The following PDE12 variants were observed in gnomAD, a reference collection of about 807,000 sequenced individuals.
PDE12 encodes phosphodiesterase 12.
PDE12 carries 26 observed loss-of-function variants against 45.4 expected under a neutral mutation model. That is an observed-to-expected ratio of 0.57 (90% CI 0.42 to 0.79). The LOEUF (loss-of-function observed/expected upper bound fraction) is 0.79, where lower values mean the gene tolerates loss of function less well. PDE12 is among the 30% of genes least tolerant of loss of function. PDE12 has a pLI of 0.00. For missense variants in PDE12, 668 were observed against 790.0 expected (o/e 0.85, Z 1.85); for synonymous variants, 283 against 323.9 (o/e 0.87, Z 1.36).
the PDE12 span, chr3:57,654,546 AC>A: frequency 2.4e-6 from 2 of 827,654 alleles, no homozygotes; most frequent in African/African-American, 3.7e-5. Flanking sequence ...CTCTCATTGT[AC>A]TAGGAACAAA....
At chr3:57,647,109 GA>G in the PDE12 span, among the ~76,000 whole-genome samples, 4 of 152,040 alleles carry the variant, frequency 2.6e-5, no homozygotes, top group African/African-American at 9.7e-5. Context: ...GATTAGGGGG[GA>G]AAATCTTATC....
At chr3:57,579,377 T>A in the PDE12 span, among the ~76,000 whole-genome samples, 3,647 of 149,718 alleles carry the variant, frequency 0.024, 68 homozygotes, top group Middle Eastern at 0.035. Flanking sequence ...AAACCCCTCC[T>A]CCCAGTTTCA....
chr3:57,597,011 C>T, the PDE12 span: 1 of 1,569,716 alleles, frequency 6.4e-7, no homozygotes, highest in Non-Finnish European at 8.8e-7. Context: ...GGCCCAGAGG[C>T]CACCCCAATT....
chr3:57,626,825 CAG>C, the PDE12 span: 1 of 152,242 alleles, frequency 6.6e-6, no homozygotes, highest in African/African-American at 2.4e-5. Flanking sequence ...TTAAACAAAA[CAG>C]AAACAAAAAC....
the PDE12 span, among the ~76,000 whole-genome samples, chr3:57,573,817 A>T: frequency 6.6e-6 from 1 of 152,302 alleles, no homozygotes; most frequent in African/African-American, 2.4e-5. Flanking sequence ...CCTGGTCTCA[A>T]GTGATCCGCC....
At chr3:57,647,527 T>C in the PDE12 span, among the ~76,000 whole-genome samples, 1 of 152,230 alleles carries the variant, frequency 6.6e-6, no homozygotes, top group South Asian at 2.1e-4. Context: ...AATGTATACA[T>C]GTGTGGGGAT....
In PDE12 at chr3:57,557,366, CT is replaced by C. The variant is rs770557764; in HGVS notation, c.988del (p.Tyr330ThrfsTer36). 4.4e-5 allele frequency: 71 copies of C among 1,613,886 alleles called. No individual in the cohort carries two copies. The highest frequency in any genetic ancestry group is 5.8e-5 in the Non-Finnish European group (68 of 1,180,042). The part of the protein sequence containing the change: ...YCAPYALELD[Y>X]RQNLIQKELT... The stretch of plus-strand genomic sequence containing the variant: ...GTGCCCCCTACGCCCTGGAGCTCGA[CT>C]ACCGCCAGAACCTTATCCAGAAGGA... On this transcript the variant is annotated frameshift_variant, in exon 1 of 3. Transcript: ENST00000311180. LOFTEE classifies it high-confidence loss of function.
the PDE12 span, among the ~76,000 whole-genome samples, chr3:57,649,365 T>G: frequency 6.6e-6 from 1 of 152,072 alleles, no homozygotes; most frequent in Non-Finnish European, 1.5e-5. Context: ...TAAATGTTGG[T>G]GTGGATGTGG....
the PDE12 span, chr3:57,630,344 C>T: frequency 7.6e-7 from 1 of 1,308,352 alleles, no homozygotes; most frequent in South Asian, 1.5e-5. Context: ...ATAAAGGGTA[C>T]AATCTTCAAC....
chr3:57,587,319 CAAAAAAAA>C, the PDE12 span, among the ~76,000 whole-genome samples: 2 of 45,408 alleles, frequency 4.4e-5, no homozygotes, highest in Non-Finnish European at 9.4e-5. Context: ...AACTCAGTCT[CAAAAAAAA>C]AAAAAAAAAA....
the PDE12 span, among the ~76,000 whole-genome samples, chr3:57,631,388 GT>G: frequency 1.3e-5 from 2 of 152,068 alleles, no homozygotes; most frequent in Non-Finnish European, 2.9e-5. Context: ...TAGAGATGGG[GT>G]TTTACCATGT....
chr3:57,582,914 G>T, the PDE12 span, among the ~76,000 whole-genome samples: 1 of 152,196 alleles, frequency 6.6e-6, no homozygotes, highest in Non-Finnish European at 1.5e-5. Context: ...AGTTAGATTA[G>T]AACAGTGGTT....
downstream of PDE12, among the ~76,000 whole-genome samples, chr3:57,570,565 T>C (rs952350981): frequency 6.6e-6 from 1 of 152,104 alleles, no homozygotes; most frequent in East Asian, 1.9e-4. Context: ...TTTAAAAGTA[T>C]GCATTTGATT....
the PDE12 span, chr3:57,645,806 C>A: frequency 7.2e-7 from 1 of 1,382,698 alleles, no homozygotes; most frequent in South Asian, 1.2e-5. Context: ...AATTAAAGGT[C>A]CTAATCTATA....
chr3:57,642,758 CCTT>C, the PDE12 span, among the ~76,000 whole-genome samples: 5 of 151,680 alleles, frequency 3.3e-5, no homozygotes, highest in African/African-American at 7.3e-5. Flanking sequence ...TAATCCCAGC[CCTT>C]TGGGAAGGCC....
At chr3:57,586,519 G>A in the PDE12 span, among the ~76,000 whole-genome samples, 1 of 152,026 alleles carries the variant, frequency 6.6e-6, no homozygotes, top group Non-Finnish European at 1.5e-5. Flanking sequence ...GTTCTTTTTG[G>A]AGACTCAAGC....
At chr3:57,627,049 A>G in the PDE12 span, 4 of 152,350 alleles carry the variant, frequency 2.6e-5, no homozygotes, top group Admixed American at 6.5e-5. Flanking sequence ...AGTTTAAAAA[A>G]ATAGCTGATT....
chr3:57,653,744 T>TAAAA, the PDE12 span, among the ~76,000 whole-genome samples: 1 of 84,714 alleles, frequency 1.2e-5, no homozygotes, highest in Non-Finnish European at 2.3e-5. Flanking sequence ...AGACTCCATC[T>TAAAA]AAAAAAAAAA....
chr3:57,600,162 G>A, the PDE12 span: 1 of 152,014 alleles, frequency 6.6e-6, no homozygotes, highest in South Asian at 2.1e-4. Context: ...AAGTAGCTGG[G>A]ACTACAGGTA....
Sources: gnomAD v4.1 joint callset for allele counts (sites outside exome capture counted in the v4.1 genomes callset) on GRCh38, gnomAD v4.1.1 for gene constraint, MANE v1.5 for transcripts, NCBI Gene and HGNC (gene_info 2026-07-23, HGNC 2026-07-21) for gene names.